The following ZNF705G variants were observed in gnomAD, a reference collection of about 807,000 sequenced individuals.
The protein encoded by ZNF705G is putative zinc finger protein 705G.
A neutral mutation model predicts 19.6 loss-of-function variants in ZNF705G; 23 were observed. That is an observed-to-expected ratio of 1.17 (90% CI 0.84 to 1.66). The LOEUF (loss-of-function observed/expected upper bound fraction) is 1.66, where lower values mean the gene tolerates loss of function less well. Ranked by LOEUF, ZNF705G falls within the 40% of genes most tolerant of loss-of-function variation. The pLI is 0.00. For missense variants in ZNF705G, 457 were observed against 354.4 expected (o/e 1.29, Z -2.32); for synonymous variants, 146 against 117.7 (o/e 1.24, Z -1.56).
chr8:7,370,329 T>A (rs1807046781), intron 2 of ZNF705G, among the ~76,000 whole-genome samples: 1 of 146,832 alleles, frequency 6.8e-6, no homozygotes, highest in South Asian at 2.1e-4. Context: ...CAGATACAAA[T>A]GGCCAACAAA....
chr8:7,361,456 C>T (rs1336003927), intron 3 of ZNF705G, among the ~76,000 whole-genome samples: 2 of 149,748 alleles, frequency 1.3e-5, no homozygotes, highest in Admixed American at 6.6e-5. Context: ...AAAGAAATAT[C>T]ACATGAGGTG....
At chr8:7,371,161 G>A (rs1294078472) in intron 2 of ZNF705G, among the ~76,000 whole-genome samples, 1 of 138,920 alleles carries the variant, frequency 7.2e-6, no homozygotes, top group African/African-American at 2.8e-5. Context: ...TGTCATTTGT[G>A]ACAACATGGA....
intron 2 of ZNF705G, among the ~76,000 whole-genome samples, chr8:7,368,072 T>C (rs1291953918): frequency 6.7e-6 from 1 of 149,526 alleles, no homozygotes; most frequent in Non-Finnish European, 1.5e-5. Context: ...AAATGCATCC[T>C]CTGATTGGCT....
intron 2 of ZNF705G, among the ~76,000 whole-genome samples, chr8:7,379,253 G>A (rs1402200930): frequency 6.1e-5 from 9 of 147,506 alleles, no homozygotes; most frequent in Admixed American, 4.6e-4. Flanking sequence ...CGGAGATTGA[G>A]ATATATTCCA....
Position 7,358,110 on chromosome 8 carries a change from C to G in ZNF705G, c.769G>C (p.Glu257Gln). 6.2e-7 allele frequency: 1 copy of G among 1,607,832 alleles called. No homozygotes were observed. The highest frequency in any genetic ancestry group is 1.1e-5 in the South Asian group (1 of 90,730). Residue 257 changes from glutamate to glutamine, a missense_variant, in exon 7 of 7, where the codon GAA becomes CAA. Coordinates refer to ENST00000400156, the MANE Select transcript of ZNF705G (RefSeq NM_001164457.3). ...AAGGCTTTCCCACTTTTATCACATT[C>G]ATAACACTTTTTTCCAAGGTGAGTT... ...ERTHLGKKCY[E>Q]CDKSGKAFSQ...
At chr8:7,370,379 G>T (rs1807049490) in intron 2 of ZNF705G, among the ~76,000 whole-genome samples, 1 of 149,450 alleles carries the variant, frequency 6.7e-6, no homozygotes, top group South Asian at 2.1e-4. Flanking sequence ...TCATCAGGGG[G>T]ATGTAAATAA....
intron 2 of ZNF705G, among the ~76,000 whole-genome samples, chr8:7,364,693 T>C (rs1427936509): frequency 4.7e-5 from 7 of 149,726 alleles, no homozygotes; most frequent in South Asian, 2.1e-4. Context: ...CCACATTTAA[T>C]GCACATTTAC....
At chr8:7,379,537 G>A (rs374422248) in intron 2 of ZNF705G, among the ~76,000 whole-genome samples, 2 of 147,370 alleles carry the variant, frequency 1.4e-5, no homozygotes, top group South Asian at 4.2e-4. Flanking sequence ...AAGAGGGCAT[G>A]AAAGAGGGCA....
intron 1 of ZNF705G, among the ~76,000 whole-genome samples, chr8:7,385,240 C>T (rs757723771): frequency 3.8e-4 from 57 of 148,948 alleles, no homozygotes; most frequent in Admixed American, 5.3e-4. Context: ...CCAAATGTTC[C>T]GCTTCTTAAT....
Position 7,385,479 on chromosome 8 carries a change from G to T in ZNF705G, c.-222+19C>A, listed in dbSNP as rs1230256959. On this transcript the variant is annotated intron_variant, in intron 1 of 6. Transcript: ENST00000400156. ...TCCCACCCCTTATTTAAAACCAGTT[G>T]GCCCTACTGGAAACCCACCTTGCAG... The T allele has an allele frequency of 2.0e-5, 3 of 149,482 alleles. 1 individual carries two copies. The highest frequency in any genetic ancestry group is 5.2e-5 in the African/African-American group (2 of 38,736). The allele number at this position is 149,482 out of a possible 1,614,324, so 9.3% of individuals were successfully genotyped here. A position where few individuals can be genotyped will look rare whatever the true frequency, so the allele number is the denominator to read the frequency against.
At chr8:7,361,479 A>C (rs1806592548) in intron 3 of ZNF705G, among the ~76,000 whole-genome samples, 1 of 149,682 alleles carries the variant, frequency 6.7e-6, no homozygotes, top group Non-Finnish European at 1.5e-5. Flanking sequence ...GCATAATATA[A>C]CCCAGATATT....
At chr8:7,380,644 C>G (rs1807447793) in intron 2 of ZNF705G, among the ~76,000 whole-genome samples, 2 of 146,306 alleles carry the variant, frequency 1.4e-5, no homozygotes, top group Non-Finnish European at 1.5e-5. Context: ...AGTTGACCTG[C>G]TATGACTACT....
chr8:7,367,647 T>G (rs1454690227), intron 2 of ZNF705G, among the ~76,000 whole-genome samples: 2 of 149,618 alleles, frequency 1.3e-5, no homozygotes, highest in Non-Finnish European at 2.9e-5. Flanking sequence ...AAGGCTCTTC[T>G]CTTTTCTTTC....
intron 2 of ZNF705G, among the ~76,000 whole-genome samples, chr8:7,366,393 G>T (rs1640583566): frequency 1.3e-5 from 2 of 149,502 alleles, no homozygotes; most frequent in African/African-American, 2.6e-5. Context: ...TGCATACAAA[G>T]TTTGTGTAAC....
chr8:7,365,560 T>A (rs1301222650), intron 2 of ZNF705G, among the ~76,000 whole-genome samples: 1 of 149,036 alleles, frequency 6.7e-6, no homozygotes, highest in Non-Finnish European at 1.5e-5. Context: ...GTACTAGACG[T>A]GGTTTCTCCA....
chr8:7,383,459 G>A (rs1334932912), intron 1 of ZNF705G, among the ~76,000 whole-genome samples: 2 of 146,496 alleles, frequency 1.4e-5, no homozygotes, highest in Non-Finnish European at 2.9e-5. Flanking sequence ...GAAGTACCTA[G>A]CAGAGACGAG....
In ZNF705G at chr8:7,382,824, G is replaced by C. The variant is rs796143159; in HGVS notation, c.-221-1223C>G. ...AAATTTCAGTAGTTTTTGGGGTACA[G>C]ATAGTTTTTTGTTACATGGATGAAT... On this transcript the variant is annotated intron_variant, in intron 1 of 6. Transcript: ENST00000400156. Among the ~76,000 whole-genome samples, 10 of 146,826 alleles carry C rather than the reference G, an allele frequency of 6.8e-5. 1 individual carries two copies. The highest frequency in any genetic ancestry group is 3.4e-3 in the Middle Eastern group (1 of 292).
chr8:7,369,886 G>C lies in ZNF705G; in HGVS notation c.-71-6869C>G, dbSNP rs569893447. On this transcript the variant is annotated intron_variant, in intron 2 of 6. Transcript: ENST00000400156. ...GAACAACAGATACTGGGAACTACTA[G>C]AGGGGGAAGGGAAGGTGGGGACAAA... Among the ~76,000 whole-genome samples the C allele has an allele frequency of 1.2e-3, 173 of 148,682 alleles. 4 individuals are homozygous for C. The highest frequency in any genetic ancestry group is 1.9e-3 in the Non-Finnish European group (125 of 67,554).
At chr8:7,369,061 T>A (rs1484923324) in intron 2 of ZNF705G, among the ~76,000 whole-genome samples, 2 of 149,444 alleles carry the variant, frequency 1.3e-5, no homozygotes, top group African/African-American at 2.6e-5. Context: ...AGTGAGAGAA[T>A]GACAGCCAAG....
Sources: allele counts gnomAD v4.1 joint callset (sites outside exome capture counted in the v4.1 genomes callset), GRCh38; gene constraint gnomAD v4.1.1; transcripts MANE v1.5; gene names NCBI Gene and HGNC (gene_info 2026-07-23, HGNC 2026-07-21).